CDADC1: variants seen among roughly 807,000 people sequenced by gnomAD.
CDADC1 encodes cytidine and dCMP deaminase domain containing 1.
CDADC1 carries 39 observed loss-of-function variants against 54.9 expected under a neutral mutation model. That is an observed-to-expected ratio of 0.71 (90% CI 0.55 to 0.93). The LOEUF is 0.93. Ranked by LOEUF, CDADC1 falls within the 40% of genes least tolerant of loss-of-function variation. CDADC1 has a pLI of 0.00. For missense variants in CDADC1, 518 were observed against 618.8 expected, an observed-to-expected ratio of 0.84 and a Z score of 1.73; for synonymous variants, 186 against 204.0, an observed-to-expected ratio of 0.91 and a Z score of 0.75.
At chr13:49,250,886 C>A (rs1266778143) in intron 2 of CDADC1, among the ~76,000 whole-genome samples, 2 of 152,180 alleles carry the variant, frequency 1.3e-5, no homozygotes, top group Non-Finnish European at 2.9e-5. Flanking sequence ...CTCATCCCCC[C>A]ACTCTGGCTC....
At chr13:49,249,441 G>A (rs1566348711) in intron 2 of CDADC1, among the ~76,000 whole-genome samples, 1 of 152,204 alleles carries the variant, frequency 6.6e-6, no homozygotes, top group African/African-American at 2.4e-5. Flanking sequence ...GATCAAAACA[G>A]ATTAGAAATG....
chr13:49,292,885 C>T lies in CDADC1; in HGVS notation c.*1128C>T. 1 of 796,118 alleles carries T rather than the reference C, an allele frequency of 1.3e-6. No homozygotes were observed. The highest frequency in any genetic ancestry group is 1.8e-6 in the Non-Finnish European group (1 of 571,186). The allele number at this position is 796,118 out of a possible 1,614,324, so 49.3% of individuals were successfully genotyped here. ...CCTGCCTTTCCGCCACATCACACGG[C>T]CTCACTGGGCTTCCTACCAGTTTCT... On this transcript the variant is annotated 3_prime_UTR_variant, in exon 10 of 10. Coordinates refer to ENST00000251108, the MANE Select transcript of CDADC1 (RefSeq NM_030911.4).
chr13:49,288,528 C>A (rs1203696591), intron 9 of CDADC1, among the ~76,000 whole-genome samples: 1 of 152,158 alleles, frequency 6.6e-6, no homozygotes, highest in Non-Finnish European at 1.5e-5. Context: ...TCTATTCTGG[C>A]CATTTCATAT....
At chr13:49,266,531 C>T (rs1952820739) in intron 4 of CDADC1, among the ~76,000 whole-genome samples, 1 of 152,120 alleles carries the variant, frequency 6.6e-6, no homozygotes, top group African/African-American at 2.4e-5. Flanking sequence ...ATTTTGTAAG[C>T]TTTAAAAAGT....
At chr13:49,282,243 T>G (rs986932230) in intron 8 of CDADC1, among the ~76,000 whole-genome samples, 10 of 145,820 alleles carry the variant, frequency 6.9e-5, no homozygotes, top group Non-Finnish European at 1.5e-4. Context: ...TGGGTTTTTT[T>G]TTTTTTTTTT....
At position 49,267,568 on chromosome 13, in the gene CDADC1, C is replaced by G. The variant is rs1180629632; in HGVS notation, c.509C>G (p.Ala170Gly). The stretch of plus-strand genomic sequence containing the variant: ...ACGGAGGCTTCTAGTTCTGAAGATG[C>G]AAAGTTAGATGCCAAAGCAGTGGAA... ...LLTEASSSEDAKLDAKAVERL... is the reference protein window; with the variant it reads ...LLTEASSSEDGKLDAKAVERL... The change falls in exon 5 of 10, where the codon GCA (alanine) becomes GGA (glycine). Residue 170 changes from alanine (A) to glycine (G), a missense_variant. Transcript: ENST00000251108. The G allele has an allele frequency of 2.5e-6, 4 of 1,613,930 alleles. No individual in the cohort carries two copies. Among genetic ancestry groups the G allele is most frequent in the Non-Finnish European group, 1.7e-6 (2 of 1,180,014 alleles).
At chr13:49,281,292 A>G (rs1390467000) in intron 8 of CDADC1, among the ~76,000 whole-genome samples, 1 of 152,190 alleles carries the variant, frequency 6.6e-6, no homozygotes, top group Non-Finnish European at 1.5e-5. Flanking sequence ...CTGATAAAAG[A>G]AAAATCTCTG....
At chr13:49,267,422 G>A (rs1202237320) in intron 4 of CDADC1, 68 bp from the exon 5 acceptor site, 7 of 1,247,564 alleles carry the variant, frequency 5.6e-6, no homozygotes, top group Non-Finnish European at 7.9e-6. Context: ...ATGATAGGGT[G>A]GATTTTATAA....
intron 9 of CDADC1, 27 bp from the exon 10 acceptor site, chr13:49,291,657 C>T: frequency 6.2e-7 from 1 of 1,609,118 alleles, no homozygotes. Flanking sequence ...TGAAGCTGTC[C>T]TGACCTAGCG....
Position 49,248,970 on chromosome 13 carries a change from A to G in CDADC1, c.177+5A>G. 6.4e-7 allele frequency: 1 copy of G among 1,572,582 alleles called. No individual in the cohort carries two copies. The highest frequency in any genetic ancestry group is 1.7e-4 in the Middle Eastern group (1 of 5,976). On this transcript the variant is annotated splice_donor_5th_base_variant and intron_variant, in intron 2 of 9. Coordinates refer to ENST00000251108, the MANE Select transcript of CDADC1 (RefSeq NM_030911.4). ...GCCCAGCGGCAAAAATCTCAGGTAT[A>G]ATTTGTTTCATAGTTTTTCCCCTTA...
chr13:49,292,946 C>T lies in CDADC1; in HGVS notation c.*1189C>T, dbSNP rs1371410961. The T allele has an allele frequency of 1.4e-5, 6 of 413,928 alleles. No individual in the cohort carries two copies. The highest frequency in any genetic ancestry group is 8.4e-5 in the African/African-American group (4 of 47,776). The allele number at this position is 413,928 out of a possible 1,614,324, so 25.6% of individuals were successfully genotyped here. A position where few individuals can be genotyped will look rare whatever the true frequency, so the allele number is the denominator to read the frequency against. ...CGCACGACCATCCAAACATTGGCTC[C>T]ATGCCAGGGCTGTGACTGCAGCCTG... On this transcript the variant is annotated 3_prime_UTR_variant, in exon 10 of 10. Coordinates refer to ENST00000251108, the MANE Select transcript of CDADC1 (RefSeq NM_030911.4).
chr13:49,250,422 G>A lies in CDADC1; in HGVS notation c.177+1457G>A, dbSNP rs1201489712. ...GTGGAGTGAGTACATAGTATAAGCA[G>A]AGATGTTGGCAAGACTGGGAGCCAG... is the stretch of plus-strand genomic sequence containing the variant. On this transcript the variant is annotated intron_variant, in intron 2 of 9. Transcript: ENST00000251108. 2.0e-5 allele frequency among the ~76,000 whole-genome samples: 3 copies of A among 152,306 alleles called. No individual in the cohort carries two copies. The South Asian group carries it at 6.2e-4, about 32-fold the overall frequency.
chr13:49,288,793 A>C (rs899465507), intron 9 of CDADC1, among the ~76,000 whole-genome samples: 2 of 152,134 alleles, frequency 1.3e-5, no homozygotes, highest in Non-Finnish European at 2.9e-5. Flanking sequence ...ACTCCATGCA[A>C]ATGGAACCCA....
At position 49,280,928 on chromosome 13, in the gene CDADC1, G is replaced by A. The variant is rs561238857; in HGVS notation, c.1410+230G>A. Among the ~76,000 whole-genome samples, 758 of 151,714 alleles carry A rather than the reference G, an allele frequency of 5.0e-3. 10 individuals are homozygous for A. The highest frequency in any genetic ancestry group is 0.017 in the African/African-American group (724 of 41,374). ...GGCTCACTGCAGACTCCGCCTCCTG[G>A]GTTCAAGTGATTCTCCTGTCTCAGC... On this transcript the variant is annotated intron_variant, in intron 8 of 9. Transcript: ENST00000251108.
rs1033574799 is a variant in CDADC1 at position 49,292,475 on chromosome 13, G to C, written c.*718G>C. 2.9e-6 allele frequency: 3 copies of C among 1,032,878 alleles called. No individual in the cohort carries two copies. In the African/African-American group the frequency reaches 5.1e-5, roughly 18 times the overall value. 64.0% of individuals were successfully genotyped at this position (1,032,878 alleles called of 1,614,324 possible). ...CAAATTTGGTTATGATGTTAACAGAGAAGAAATATTTGAGTCTGGAATATT... is the reference window on the plus strand; with the variant it reads ...CAAATTTGGTTATGATGTTAACAGACAAGAAATATTTGAGTCTGGAATATT... On this transcript the variant is annotated 3_prime_UTR_variant, in exon 10 of 10. Coordinates refer to ENST00000251108, the MANE Select transcript of CDADC1 (RefSeq NM_030911.4).
chr13:49,291,690 T>C lies in CDADC1; in HGVS notation c.1478T>C (p.Val493Ala). The C allele has an allele frequency of 6.2e-7, 1 of 1,613,738 alleles. No homozygotes were observed. The highest frequency in any genetic ancestry group is 8.5e-7 in the Non-Finnish European group (1 of 1,179,900). ...QNEPERRENG[V>A]LRPVPQKEEQ... Reference sequence around the variant, plus strand: ...GCGTTATTCTCAATGCTAGATGGTGTGTTGAGACCTGTCCCACAGAAGGAA... The same window carrying C: ...GCGTTATTCTCAATGCTAGATGGTGCGTTGAGACCTGTCCCACAGAAGGAA... Residue 493 changes from valine (V) to alanine (A), a missense_variant, in exon 10 of 10, where the codon GTG becomes GCG. Val to Ala is a moderately conservative substitution (Grantham distance 64, BLOSUM62 0). Transcript: ENST00000251108.
chr13:49,275,238 A>G (rs1953074664), intron 6 of CDADC1, among the ~76,000 whole-genome samples: 1 of 151,698 alleles, frequency 6.6e-6, no homozygotes, highest in African/African-American at 2.4e-5. Flanking sequence ...GGCATGTACC[A>G]CCACACCTGG....
intron 9 of CDADC1, among the ~76,000 whole-genome samples, chr13:49,289,035 C>T (rs1953611570): frequency 6.6e-6 from 1 of 150,900 alleles, no homozygotes; most frequent in Admixed American, 6.6e-5. Flanking sequence ...CTTAGTTCAC[C>T]CAATCAACAC....
intron 3 of CDADC1, among the ~76,000 whole-genome samples, chr13:49,256,373 A>C (rs569805579): frequency 2.6e-5 from 4 of 152,324 alleles, no homozygotes; most frequent in African/African-American, 7.2e-5. Flanking sequence ...AGGACCCTCA[A>C]GCTCAGTGTT....
Sources: gnomAD v4.1 joint callset for allele counts (sites outside exome capture counted in the v4.1 genomes callset) on GRCh38, gnomAD v4.1.1 for gene constraint, MANE v1.5 for transcripts, NCBI Gene and HGNC (gene_info 2026-07-23, HGNC 2026-07-21) for gene names.